ABCC4: variants seen among roughly 807,000 people sequenced by gnomAD.
ABCC4 encodes ATP-binding cassette sub-family C member 4.
ABCC4 carries 102 observed loss-of-function variants against 168.5 expected under a neutral mutation model. The ratio of observed to expected loss-of-function variants is 0.61; its 90% CI spans 0.52 to 0.71. The LOEUF is 0.71. ABCC4 is among the 30% of genes least tolerant of loss of function. The probability of loss-of-function intolerance (pLI) is 0.00; values close to 1 mark genes in which losing one functional copy is unlikely to be tolerated. For synonymous variants in ABCC4, 617 were observed against 590.7 expected (o/e 1.04, Z -0.65); for missense variants, 1,402 against 1,605.8 (o/e 0.87, Z 2.17).
chr13:95,156,551 G>T (rs189498942), intron 19 of ABCC4, among the ~76,000 whole-genome samples: 3 of 152,142 alleles, frequency 2.0e-5, no homozygotes, highest in Non-Finnish European at 2.9e-5. Context: ...GGAACAGAAC[G>T]GAAACAGGGC....
chr13:95,247,939 C>CACACACACACACACACAG (rs1491082478), intron 1 of ABCC4, among the ~76,000 whole-genome samples, 186 bp from the exon 2 acceptor site: 1 of 151,892 alleles, frequency 6.6e-6, no homozygotes, highest in South Asian at 2.1e-4. Flanking sequence ...CACACACACA[C>CACACACACACACACACAG]AGTCCCTAGC....
intron 14 of ABCC4, among the ~76,000 whole-genome samples, chr13:95,169,477 C>T (rs944181111): frequency 2.0e-5 from 3 of 152,172 alleles, no homozygotes; most frequent in Non-Finnish European, 2.9e-5. Flanking sequence ...TCCAGGCTCT[C>T]CCTGGCTTGC....
intron 1 of ABCC4, among the ~76,000 whole-genome samples, chr13:95,269,140 T>C (rs1240774147): frequency 1.3e-5 from 2 of 152,204 alleles, no homozygotes; most frequent in Non-Finnish European, 2.9e-5. Context: ...AGCACTTTCC[T>C]GAGTTCTGTG....
intron 8 of ABCC4, among the ~76,000 whole-genome samples, chr13:95,202,585 C>T (rs1304643295): frequency 6.6e-6 from 1 of 151,492 alleles, no homozygotes; most frequent in Non-Finnish European, 1.5e-5. Flanking sequence ...TTATGGCTGC[C>T]GCATGGAAGT....
intron 15 of ABCC4, among the ~76,000 whole-genome samples, chr13:95,165,019 A>T (rs1371298824): frequency 6.6e-6 from 1 of 152,118 alleles, no homozygotes; most frequent in East Asian, 1.9e-4. Flanking sequence ...CCTTGGACCC[A>T]GCCATCCCAC....
rs191790172 is a variant in ABCC4, at chr13:95,163,947, A to G, written c.2176-300T>C. Among the ~76,000 whole-genome samples, 218 of 151,318 alleles carry G rather than the reference A, an allele frequency of 1.4e-3. 1 individual carries two copies. Among genetic ancestry groups the G allele is most frequent in the African/African-American group, 5.1e-3 (211 of 41,248 alleles). Reference sequence around the variant, plus strand: ...TCCCAGCTACTCCGGAGGCTGAGACAGGAGAATTGCTTAAACCCCAGAGGC... The same window carrying G: ...TCCCAGCTACTCCGGAGGCTGAGACGGGAGAATTGCTTAAACCCCAGAGGC... On this transcript the variant is annotated intron_variant, in intron 16 of 30. Transcript: ENST00000645237.
chr13:95,151,194 A>C (rs2036661876), intron 19 of ABCC4, among the ~76,000 whole-genome samples: 1 of 152,126 alleles, frequency 6.6e-6, no homozygotes, highest in South Asian at 2.1e-4. Flanking sequence ...GAAGTAATCC[A>C]TTGTTGGTCT....
chr13:95,089,252 C>A (rs1386140241), intron 20 of ABCC4, among the ~76,000 whole-genome samples: 1 of 152,116 alleles, frequency 6.6e-6, no homozygotes, highest in African/African-American at 2.4e-5. Context: ...TTATCAAATT[C>A]TTCTAGAGAA....
intron 7 of ABCC4, 112 bp downstream of exon 7, chr13:95,207,688 G>T: frequency 8.7e-7 from 1 of 1,150,108 alleles, no homozygotes; most frequent in Non-Finnish European, 1.2e-6. Flanking sequence ...GACTGGGATG[G>T]ATTGTACTGA....
At chr13:95,229,356 G>C (rs1307535660) in intron 4 of ABCC4, among the ~76,000 whole-genome samples, 2 of 152,188 alleles carry the variant, frequency 1.3e-5, no homozygotes, top group African/African-American at 4.8e-5. Context: ...CTATCCTTCA[G>C]AGTAACTCTA....
intron 1 of ABCC4, among the ~76,000 whole-genome samples, chr13:95,288,388 G>T (rs899977943): frequency 6.6e-6 from 1 of 152,180 alleles, no homozygotes; most frequent in Admixed American, 6.6e-5. Flanking sequence ...GTCACTGAGA[G>T]ATTAAGACAT....
chr13:95,209,364 C>A, intron 6 of ABCC4, 70 bp downstream of exon 6: 1 of 1,527,758 alleles, frequency 6.5e-7, no homozygotes, highest in Non-Finnish European at 8.9e-7. Context: ...TGTTTCTGAA[C>A]AAAAGCATTG....
Position 95,020,042 on chromosome 13 carries a change from T to TAATAATAC in ABCC4, c.*1532_*1533insGTATTATT, listed in dbSNP as rs546957557. On this transcript the variant is annotated 3_prime_UTR_variant, in exon 31 of 31. Coordinates refer to ENST00000645237, the MANE Select transcript of ABCC4 (RefSeq NM_005845.5). The stretch of plus-strand genomic sequence containing the variant: ...TTTCAGTCACCTAAAATACGAACCA[T>TAATAATAC]GACTATTAATAAACATTTACTGTGT... The TAATAATAC allele has an allele frequency of 1.3e-5, 2 of 152,332 alleles. No individual in the cohort carries two copies. Among genetic ancestry groups the TAATAATAC allele is most frequent in the South Asian group, 4.1e-4 (2 of 4,826 alleles). 9.4% of individuals were successfully genotyped at this position (152,332 alleles called of 1,614,324 possible). A position where few individuals can be genotyped will look rare whatever the true frequency, so the allele number is the denominator to read the frequency against.
At chr13:95,152,417 A>T (rs1420997538) in intron 19 of ABCC4, among the ~76,000 whole-genome samples, 2 of 152,202 alleles carry the variant, frequency 1.3e-5, no homozygotes, top group African/African-American at 4.8e-5. Context: ...AATATTTACT[A>T]ATCAGATACA....
At chr13:95,214,677 G>A (rs12867485) in intron 4 of ABCC4, among the ~76,000 whole-genome samples, 26,303 of 151,970 alleles carry the variant, frequency 0.17, 2,371 homozygotes, top group Non-Finnish European at 0.19. Context: ...CTCGAGCCCA[G>A]GACTTCGAGA....
At chr13:95,111,339 C>G (rs956239302) in intron 20 of ABCC4, among the ~76,000 whole-genome samples, 5 of 152,200 alleles carry the variant, frequency 3.3e-5, no homozygotes, top group East Asian at 1.9e-4. Flanking sequence ...GCACTGCCAG[C>G]CTTGGCTAAA....
chr13:95,286,120 A>G, intron 1 of ABCC4, among the ~76,000 whole-genome samples: 1 of 61,184 alleles, frequency 1.6e-5, no homozygotes, highest in African/African-American at 4.2e-5. Context: ...CTTTCCAGAA[A>G]AACTTTTTTT....
chr13:95,104,097 T>G (rs1453299981), intron 20 of ABCC4, among the ~76,000 whole-genome samples: 2 of 152,064 alleles, frequency 1.3e-5, no homozygotes, highest in Non-Finnish European at 2.9e-5. Flanking sequence ...AAAGTTGGTT[T>G]TGAGGTTTTT....
chr13:95,064,664 T>C (rs2033462816), intron 25 of ABCC4, among the ~76,000 whole-genome samples: 1 of 151,972 alleles, frequency 6.6e-6, no homozygotes, highest in African/African-American at 2.4e-5. Context: ...ACCTGGACAT[T>C]TGTAGGCCAT....
Sources: gnomAD v4.1 joint callset for allele counts (sites outside exome capture counted in the v4.1 genomes callset) on GRCh38, gnomAD v4.1.1 for gene constraint, MANE v1.5 for transcripts, NCBI Gene and HGNC (gene_info 2026-07-23, HGNC 2026-07-21) for gene names.